DCC: variants seen among roughly 807,000 people sequenced by gnomAD.
The protein encoded by DCC is netrin receptor DCC.
In DCC, 58 loss-of-function variants were observed where a neutral mutation model predicts 172.5. The observed-to-expected ratio is 0.34, with a 90% CI of 0.27 to 0.42. The LOEUF (loss-of-function observed/expected upper bound fraction) is 0.42. Among genes scored for constraint, DCC ranks in the 10% least tolerant of loss-of-function variants. The pLI, the probability that DCC is intolerant of heterozygous loss-of-function variation, is 1.00. For missense variants in DCC, 1,740 were observed against 1,791.0 expected (o/e 0.97, Z 0.51); for synonymous variants, 709 against 644.5 (o/e 1.10, Z -1.52).
At chr18:52,941,759 A>G (rs923845840) in intron 5 of DCC, among the ~76,000 whole-genome samples, 2 of 151,994 alleles carry the variant, frequency 1.3e-5, no homozygotes, top group Non-Finnish European at 1.5e-5. Flanking sequence ...TATATATTTC[A>G]TATTTTCTGA....
At chr18:53,081,578 G>T (rs902966840) in intron 7 of DCC, among the ~76,000 whole-genome samples, 1 of 151,310 alleles carries the variant, frequency 6.6e-6, no homozygotes, top group Non-Finnish European at 1.5e-5. Flanking sequence ...CTTTTCCCTT[G>T]TTTAAGAACG....
intron 1 of DCC, among the ~76,000 whole-genome samples, chr18:52,456,839 G>A (rs910479892): frequency 2.6e-5 from 4 of 152,070 alleles, no homozygotes; most frequent in African/African-American, 9.7e-5. Flanking sequence ...GCTGGAAACA[G>A]AATTCCCTGT....
chr18:52,682,573 A>G (rs2035766155), intron 1 of DCC, among the ~76,000 whole-genome samples: 1 of 152,098 alleles, frequency 6.6e-6, no homozygotes, highest in Non-Finnish European at 1.5e-5. Flanking sequence ...GAAGTCATAC[A>G]TTCCTTATTT....
At chr18:53,267,374 A>G (rs1283425647) in intron 12 of DCC, among the ~76,000 whole-genome samples, 7 of 152,060 alleles carry the variant, frequency 4.6e-5, no homozygotes, top group Admixed American at 2.6e-4. Flanking sequence ...TTTAGCAGAG[A>G]CGAGGTTTCA....
intron 12 of DCC, among the ~76,000 whole-genome samples, chr18:53,258,940 A>G (rs1294629083): frequency 6.6e-6 from 1 of 152,128 alleles, no homozygotes; most frequent in African/African-American, 2.4e-5. Context: ...TTCTTGTTGA[A>G]TTGATCCCTT....
intron 1 of DCC, among the ~76,000 whole-genome samples, chr18:52,697,060 C>A (rs1462347888): frequency 6.6e-6 from 1 of 152,034 alleles, no homozygotes; most frequent in African/African-American, 2.4e-5. Context: ...TCTTGGTAGT[C>A]CAAGGAGTAT....
chr18:52,648,668 C>A (rs2035064959), intron 1 of DCC, among the ~76,000 whole-genome samples: 1 of 152,034 alleles, frequency 6.6e-6, no homozygotes, highest in Non-Finnish European at 1.5e-5. Flanking sequence ...ATTGTGTGCC[C>A]AATCCGAGGT....
chr18:52,627,527 G>C (rs1282877743), intron 1 of DCC, among the ~76,000 whole-genome samples: 1 of 152,226 alleles, frequency 6.6e-6, no homozygotes, highest in Non-Finnish European at 1.5e-5. Context: ...TATATAAAGA[G>C]AGGAAGCAAC....
chr18:53,255,704 T>C (rs1163843813), intron 12 of DCC, among the ~76,000 whole-genome samples: 1 of 152,164 alleles, frequency 6.6e-6, no homozygotes, highest in Non-Finnish European at 1.5e-5. Flanking sequence ...GCAGCATGTT[T>C]TATATTCCTT....
intron 21 of DCC, among the ~76,000 whole-genome samples, chr18:53,425,404 G>C (rs950927370): frequency 4.4e-5 from 6 of 135,324 alleles, no homozygotes; most frequent in African/African-American, 1.6e-4. Flanking sequence ...CTCTCACCCG[G>C]GCTGGAGTGC....
chr18:52,524,243 C>T (rs2031908614), intron 1 of DCC, among the ~76,000 whole-genome samples: 1 of 152,096 alleles, frequency 6.6e-6, no homozygotes. Context: ...TAAGAAGCTT[C>T]AATAGTATGT....
At chr18:52,841,089 T>C (rs758449731) in intron 2 of DCC, among the ~76,000 whole-genome samples, 6 of 152,140 alleles carry the variant, frequency 3.9e-5, no homozygotes, top group Middle Eastern at 3.2e-3. Flanking sequence ...GAAGTAGTCA[T>C]TCATCTGTAT....
chr18:52,398,259 T>C (rs55719243), intron 1 of DCC, among the ~76,000 whole-genome samples: 5,800 of 152,060 alleles, frequency 0.038, 150 homozygotes, highest in Non-Finnish European at 0.055. Context: ...ATAAGCCTGA[T>C]AGTTGGATAT....
At chr18:52,554,337 T>A (rs904183573) in intron 1 of DCC, among the ~76,000 whole-genome samples, 2 of 152,142 alleles carry the variant, frequency 1.3e-5, no homozygotes, top group East Asian at 3.8e-4. Flanking sequence ...CCTGGATGAA[T>A]GCTTCTGAAA....
At chr18:52,963,898 T>C (rs2040886487) in intron 5 of DCC, among the ~76,000 whole-genome samples, 1 of 151,960 alleles carries the variant, frequency 6.6e-6, no homozygotes, top group Admixed American at 6.6e-5. Flanking sequence ...TTGTAAGAAT[T>C]GGTAAGTTCA....
chr18:52,860,723 G>A (rs756445133), intron 2 of DCC, among the ~76,000 whole-genome samples: 7 of 152,166 alleles, frequency 4.6e-5, no homozygotes, highest in Non-Finnish European at 1.0e-4. Flanking sequence ...TTGCTAGCCG[G>A]GCGCTGTGCT....
At chr18:52,454,461 C>G (rs1263103128) in intron 1 of DCC, among the ~76,000 whole-genome samples, 1 of 151,466 alleles carries the variant, frequency 6.6e-6, no homozygotes, top group Non-Finnish European at 1.5e-5. Context: ...AATGAGACAA[C>G]TTTTTCTCCC....
Position 52,906,122 on chromosome 18 carries a change from T to A in DCC, c.491T>A (p.Ile164Asn), listed in dbSNP as rs372910352. 6.2e-7 allele frequency: 1 copy of A among 1,613,988 alleles called. No homozygotes were observed. Among genetic ancestry groups the A allele is most frequent in the Non-Finnish European group, 8.5e-7 (1 of 1,179,992 alleles). The change falls in exon 3 of 29, where the codon ATT becomes AAT. Residue 164 changes from isoleucine (I) to asparagine (N), a missense_variant. Coordinates refer to ENST00000442544, the MANE Select transcript of DCC (RefSeq NM_005215.4). Reference sequence around the variant, plus strand: ...ACAGTGCTACTCAAGTGTGAAGTCATTGGGGAGCCCATGCCAACAATCCAC... The same window carrying A: ...ACAGTGCTACTCAAGTGTGAAGTCAATGGGGAGCCCATGCCAACAATCCAC... The part of the protein sequence containing the change: ...GDTVLLKCEV[I>N]GEPMPTIHWQ...
chr18:53,292,272 A>G (rs2057014373), intron 12 of DCC, among the ~76,000 whole-genome samples: 1 of 152,210 alleles, frequency 6.6e-6, no homozygotes, highest in Non-Finnish European at 1.5e-5. Context: ...TTCTTCCCAT[A>G]ATAGAAACCA....
Sources: allele counts gnomAD v4.1 joint callset (sites outside exome capture counted in the v4.1 genomes callset), GRCh38; gene constraint gnomAD v4.1.1; transcripts MANE v1.5; gene names NCBI Gene and HGNC (gene_info 2026-07-23, HGNC 2026-07-21).